The following LHFPL2 variants were observed in gnomAD, a reference collection of about 807,000 sequenced individuals.
LHFPL2 encodes LHFPL tetraspan subfamily member 2.
A neutral mutation model predicts 17.5 loss-of-function variants in LHFPL2; 7 were observed. That is an observed-to-expected ratio of 0.40 (90% CI 0.23 to 0.75). LHFPL2 has a LOEUF of 0.75. LHFPL2 is among the 30% of genes least tolerant of loss of function. The pLI is 0.37. For missense variants in LHFPL2, 241 were observed against 294.8 expected (o/e 0.82, Z 1.34); for synonymous variants, 134 against 116.2 (o/e 1.15, Z -0.99).
chr5:78,535,602 A>G (rs1755924711), intron 3 of LHFPL2, among the ~76,000 whole-genome samples: 1 of 152,136 alleles, frequency 6.6e-6, no homozygotes, highest in South Asian at 2.1e-4. Context: ...TCTCCTCCCA[A>G]GCCTGCTCCA....
intron 2 of LHFPL2, among the ~76,000 whole-genome samples, chr5:78,582,432 A>C (rs1033137439): frequency 3.3e-5 from 5 of 149,262 alleles, no homozygotes; most frequent in African/African-American, 9.9e-5. Flanking sequence ...TAGTGCTATA[A>C]ATTTCCCTCT....
intron 3 of LHFPL2, among the ~76,000 whole-genome samples, chr5:78,562,967 C>T (rs1334616149): frequency 6.6e-6 from 1 of 152,216 alleles, no homozygotes; most frequent in African/African-American, 2.4e-5. Context: ...TACTGGGAAA[C>T]ACATGAGAAG....
intron 2 of LHFPL2, among the ~76,000 whole-genome samples, chr5:78,582,017 G>A (rs1220447223): frequency 6.6e-6 from 1 of 152,164 alleles, no homozygotes; most frequent in Non-Finnish European, 1.5e-5. Flanking sequence ...GTTTAGTCTT[G>A]GGAGAGTGTA....
At chr5:78,519,795 T>C (rs1755395413) in intron 3 of LHFPL2, among the ~76,000 whole-genome samples, 1 of 152,248 alleles carries the variant, frequency 6.6e-6, no homozygotes, top group Non-Finnish European at 1.5e-5. Flanking sequence ...CGACCACTTC[T>C]GGCTTTGTGT....
chr5:78,579,165 C>T (rs936784922), intron 2 of LHFPL2, among the ~76,000 whole-genome samples: 2 of 152,112 alleles, frequency 1.3e-5, no homozygotes, highest in African/African-American at 2.4e-5. Context: ...ACATGACCTA[C>T]AATAAGGTGA....
At chr5:78,564,266 C>T (rs1230028219) in intron 3 of LHFPL2, among the ~76,000 whole-genome samples, 1 of 152,168 alleles carries the variant, frequency 6.6e-6, no homozygotes, top group African/African-American at 2.4e-5. Flanking sequence ...TACAAGATTA[C>T]TCAACCTCTA....
chr5:78,518,331 G>A (rs1481403897), intron 3 of LHFPL2, among the ~76,000 whole-genome samples: 2 of 152,198 alleles, frequency 1.3e-5, no homozygotes, highest in Non-Finnish European at 1.5e-5. Context: ...CACTTTGGGA[G>A]GCCGAGGCGG....
At chr5:78,571,894 C>T (rs1193225022) in intron 2 of LHFPL2, among the ~76,000 whole-genome samples, 1 of 152,156 alleles carries the variant, frequency 6.6e-6, no homozygotes, top group Non-Finnish European at 1.5e-5. Context: ...GATGTAAGCT[C>T]CCTGCAGACA....
chr5:78,561,298 AC>A (rs1467508123), intron 3 of LHFPL2, among the ~76,000 whole-genome samples: 1 of 152,248 alleles, frequency 6.6e-6, no homozygotes, highest in African/African-American at 2.4e-5. Context: ...AAACTTCAGT[AC>A]CTCAGTCGCA....
chr5:78,572,999 A>C (rs566093782), intron 2 of LHFPL2, among the ~76,000 whole-genome samples: 1 of 152,234 alleles, frequency 6.6e-6, no homozygotes, highest in East Asian at 1.9e-4. Context: ...CAGAAGGTGG[A>C]GCTCAGGCCG....
intron 2 of LHFPL2, among the ~76,000 whole-genome samples, chr5:78,600,723 C>T (rs1024141362): frequency 1.3e-5 from 2 of 151,974 alleles, no homozygotes. Flanking sequence ...AGCGAAACTC[C>T]GTCTCAAAAT....
intron 2 of LHFPL2, among the ~76,000 whole-genome samples, chr5:78,616,895 T>C (rs1287305442): frequency 6.6e-6 from 1 of 152,244 alleles, no homozygotes; most frequent in Non-Finnish European, 1.5e-5. Context: ...GATCCCTGCA[T>C]ATGGTTTGTT....
chr5:78,556,604 T>TA (rs1237683225), intron 3 of LHFPL2, among the ~76,000 whole-genome samples: 2 of 152,120 alleles, frequency 1.3e-5, no homozygotes, highest in Admixed American at 6.6e-5. Context: ...TTTAATGGTT[T>TA]AAAAAAATCA....
At position 78,486,356 on chromosome 5, in the gene LHFPL2, T is replaced by C; in HGVS notation, c.*2541A>G. The C allele has an allele frequency of 6.6e-6, 1 of 152,236 alleles. No individual in the cohort carries two copies. The highest frequency in any genetic ancestry group is 6.5e-5 in the Admixed American group (1 of 15,296). 9.4% of individuals were successfully genotyped at this position (152,236 alleles called of 1,614,324 possible). ...TTAAGCCAATTTCAGGCAAAATAAA[T>C]AAGACTTTCCTGGTAGTAATAATGG... On this transcript the variant is annotated 3_prime_UTR_variant, in exon 5 of 5. Coordinates refer to ENST00000380345, the MANE Select transcript of LHFPL2 (RefSeq NM_005779.3).
chr5:78,581,152 T>A (rs1743118114), intron 2 of LHFPL2, among the ~76,000 whole-genome samples: 1 of 152,226 alleles, frequency 6.6e-6, no homozygotes, highest in Admixed American at 6.5e-5. Flanking sequence ...TCTGTTTGTC[T>A]GTTGTTGGTG....
intron 4 of LHFPL2, among the ~76,000 whole-genome samples, chr5:78,499,212 A>C (rs1024146353): frequency 1.3e-5 from 2 of 152,232 alleles, no homozygotes; most frequent in Non-Finnish European, 2.9e-5. Context: ...TATAATATAC[A>C]TTCACAATGG....
Position 78,486,189 on chromosome 5 carries a change from C to G in LHFPL2, c.*2708G>C, listed in dbSNP as rs1018410136. On this transcript the variant is annotated 3_prime_UTR_variant, in exon 5 of 5. Transcript: ENST00000380345. ...ACACCACAGATGTTTGAAAACTATA[C>G]AAAAACCCTTATACAATTAATGCAA... 1 of 152,572 alleles carries G rather than the reference C, an allele frequency of 6.6e-6. No homozygotes were observed. The highest frequency in any genetic ancestry group is 6.5e-5 in the Admixed American group (1 of 15,270). 9.5% of individuals were successfully genotyped at this position (152,572 alleles called of 1,614,324 possible).
chr5:78,570,421 G>A (rs1455695103), intron 2 of LHFPL2, among the ~76,000 whole-genome samples: 3 of 151,974 alleles, frequency 2.0e-5, no homozygotes, highest in Admixed American at 1.3e-4. Context: ...CCAAGGCAGG[G>A]GGGATCCTCC....
At chr5:78,619,004 A>G (rs1744729733) in intron 2 of LHFPL2, among the ~76,000 whole-genome samples, 1 of 152,180 alleles carries the variant, frequency 6.6e-6, no homozygotes, top group East Asian at 1.9e-4. Flanking sequence ...TGACAAGGCC[A>G]AGATTTGTGT....
Sources: allele counts gnomAD v4.1 joint callset (sites outside exome capture counted in the v4.1 genomes callset), GRCh38; gene constraint gnomAD v4.1.1; transcripts MANE v1.5; gene names NCBI Gene and HGNC (gene_info 2026-07-23, HGNC 2026-07-21).